CFAP44: variants seen among roughly 807,000 people sequenced by gnomAD.
CFAP44 encodes the protein cilia and flagella associated protein 44.
CFAP44 carries 134 observed loss-of-function variants against 216.2 expected under a neutral mutation model. That is an observed-to-expected ratio of 0.62 (90% confidence interval 0.54 to 0.72). The LOEUF (loss-of-function observed/expected upper bound fraction) is 0.72, where lower values mean the gene tolerates loss of function less well. Ranked by LOEUF, CFAP44 falls within the 30% of genes least tolerant of loss-of-function variation. The pLI is 0.00. For synonymous variants in CFAP44, 700 were observed against 727.6 expected, an observed-to-expected ratio of 0.96 and a Z score of 0.61; for missense variants, 2,035 against 2,182.1, an observed-to-expected ratio of 0.93 and a Z score of 1.34.
chr3:113,294,454 T>C, intron 34 of CFAP44: 1 of 474,566 alleles, frequency 2.1e-6, no homozygotes, highest in South Asian at 3.1e-5. Context: ...ATTCTATTGA[T>C]TAGTACTTAC....
At position 113,427,057 on chromosome 3, in the gene CFAP44, T is replaced by C. The variant is rs1442238727; in HGVS notation, c.253+130A>G. 4.0e-6 allele frequency: 4 copies of C among 1,011,870 alleles called. No homozygotes were observed. In the African/African-American group the frequency reaches 6.6e-5, roughly 17 times the overall value. The allele number at this position is 1,011,870 out of a possible 1,614,324, so 62.7% of individuals were successfully genotyped here. A position where few individuals can be genotyped will look rare whatever the true frequency, so the allele number is the denominator to read the frequency against. On this transcript the variant is annotated intron_variant, in intron 3 of 34. Coordinates refer to ENST00000393845, the MANE Select transcript of CFAP44 (RefSeq NM_001164496.2). ...AGTACCCTACCAAAATATGTACTTGTCCTTTTATCATTCCCACACATATGT... is the reference window on the plus strand; with the variant it reads ...AGTACCCTACCAAAATATGTACTTGCCCTTTTATCATTCCCACACATATGT...
chr3:113,436,968 G>C (rs571897591), intron 1 of CFAP44, among the ~76,000 whole-genome samples: 1 of 152,306 alleles, frequency 6.6e-6, no homozygotes, highest in African/African-American at 2.4e-5. Flanking sequence ...AGTTTCAGGA[G>C]GTTGCTAAGG....
intron 1 of CFAP44, among the ~76,000 whole-genome samples, chr3:113,440,247 AGAC>A (rs1935330022): frequency 6.6e-6 from 1 of 152,142 alleles, no homozygotes; most frequent in African/African-American, 2.4e-5. Context: ...TATTTTTAGT[AGAC>A]GGGTTTCCCC....
chr3:113,314,374 A>G (rs1349394407), intron 28 of CFAP44, among the ~76,000 whole-genome samples: 3 of 152,242 alleles, frequency 2.0e-5, no homozygotes, highest in African/African-American at 4.8e-5. Context: ...AAATGACACA[A>G]TGATTTTTCA....
At chr3:113,299,552 G>A (rs6801402) in intron 32 of CFAP44, among the ~76,000 whole-genome samples, 2 of 152,058 alleles carry the variant, frequency 1.3e-5, no homozygotes, top group Non-Finnish European at 2.9e-5. Context: ...TCCAGCAATC[G>A]CACTGCTAGA....
At position 113,379,395 on chromosome 3, in the gene CFAP44, C is replaced by T; in HGVS notation, c.2209G>A (p.Glu737Lys). 6.2e-7 allele frequency: 1 copy of T among 1,612,014 alleles called. No homozygotes were observed. The highest frequency in any genetic ancestry group is 8.5e-7 in the Non-Finnish European group (1 of 1,178,690). The change falls in exon 17 of 35, where the codon GAG (glutamate) becomes AAG (lysine). Residue 737 changes from glutamate to lysine, a missense_variant. Coordinates refer to ENST00000393845, the MANE Select transcript of CFAP44 (RefSeq NM_001164496.2). ...GGAATAAATATTTCAGGTAATGGCT[C>T]TTCTTCCTCCTCCTCCTCCTCTTTC... is the stretch of plus-strand genomic sequence containing the variant. ...EEKEEEEEEE[E>K]PLPEIFIPST...
At chr3:113,355,494 T>C (rs1184733546) in intron 22 of CFAP44, among the ~76,000 whole-genome samples, 1 of 152,168 alleles carries the variant, frequency 6.6e-6, no homozygotes, top group African/African-American at 2.4e-5. Flanking sequence ...CACTCCAGCC[T>C]GGGCGACAGA....
At chr3:113,430,752 T>C (rs1274236272) in intron 2 of CFAP44, among the ~76,000 whole-genome samples, 1 of 152,202 alleles carries the variant, frequency 6.6e-6, no homozygotes, top group Non-Finnish European at 1.5e-5. Flanking sequence ...ACAGCTTTAC[T>C]GGTAAATTCT....
intron 4 of CFAP44, 102 bp downstream of exon 4, chr3:113,426,022 C>G: frequency 7.2e-7 from 1 of 1,382,714 alleles, no homozygotes; most frequent in Non-Finnish European, 9.8e-7. Context: ...TTTACCAAAA[C>G]AGGTGGGAAG....
At chr3:113,361,341 G>A (rs879561490) in intron 21 of CFAP44, 6 of 214,896 alleles carry the variant, frequency 2.8e-5, no homozygotes, top group African/African-American at 4.6e-5. Context: ...CAAAAGTTGC[G>A]TACTATAGTA....
chr3:113,377,843 G>C (rs933065440), intron 17 of CFAP44, among the ~76,000 whole-genome samples: 8 of 152,030 alleles, frequency 5.3e-5, no homozygotes, highest in African/African-American at 1.9e-4. Flanking sequence ...AGTAGACACA[G>C]GGTTTCACCA....
At chr3:113,346,095 A>G (rs1369085410) in intron 22 of CFAP44, among the ~76,000 whole-genome samples, 2 of 152,224 alleles carry the variant, frequency 1.3e-5, no homozygotes, top group Non-Finnish European at 2.9e-5. Flanking sequence ...AGAGGATTGT[A>G]AACACACCAA....
chr3:113,400,473 C>T (rs1934111110), intron 12 of CFAP44, 72 bp downstream of exon 12: 1 of 1,312,370 alleles, frequency 7.6e-7, no homozygotes, highest in Non-Finnish European at 1.0e-6. Context: ...TTAAGTCAAA[C>T]ACATATAAAA....
chr3:113,327,472 A>G, intron 27 of CFAP44, 144 bp downstream of exon 27: 1 of 684,886 alleles, frequency 1.5e-6, no homozygotes, highest in Non-Finnish European at 2.4e-6. Context: ...AGGTAGGAAT[A>G]ACAGGAAAAA....
intron 8 of CFAP44, among the ~76,000 whole-genome samples, chr3:113,405,428 C>G (rs2107366291): frequency 6.6e-6 from 1 of 152,320 alleles, no homozygotes; most frequent in East Asian, 1.9e-4. Flanking sequence ...ACAGCAACAG[C>G]TTCTGTTCTA....
At chr3:113,349,247 G>A (rs968643507) in intron 22 of CFAP44, among the ~76,000 whole-genome samples, 1 of 152,146 alleles carries the variant, frequency 6.6e-6, no homozygotes. Flanking sequence ...CCTGTCAGCC[G>A]ACTCCCTCGA....
chr3:113,403,749 A>T, intron 9 of CFAP44, 103 bp downstream of exon 9: 1 of 1,311,148 alleles, frequency 7.6e-7, no homozygotes, highest in Non-Finnish European at 1.0e-6. Flanking sequence ...GTAAATGACT[A>T]CTGATCTCCT....
intron 21 of CFAP44, among the ~76,000 whole-genome samples, chr3:113,362,490 A>T (rs1004532350): frequency 6.6e-6 from 1 of 152,128 alleles, no homozygotes; most frequent in African/African-American, 2.4e-5. Flanking sequence ...GAGTTACCCA[A>T]ACTGACAATC....
At chr3:113,403,361 T>C (rs1264467858) in intron 9 of CFAP44, among the ~76,000 whole-genome samples, 1 of 152,108 alleles carries the variant, frequency 6.6e-6, no homozygotes, top group Non-Finnish European at 1.5e-5. Flanking sequence ...GGCAAGAGAG[T>C]GTCCCCAAGA....
Sources: allele counts gnomAD v4.1 joint callset (sites outside exome capture counted in the v4.1 genomes callset), GRCh38; gene constraint gnomAD v4.1.1; transcripts MANE v1.5; gene names NCBI Gene and HGNC (gene_info 2026-07-23, HGNC 2026-07-21).